The following CPLX4 variants were observed in gnomAD, a reference collection of about 807,000 sequenced individuals.
CPLX4 encodes the protein complexin 4.
In CPLX4, 17 loss-of-function variants were observed where a neutral mutation model predicts 16.1. The observed-to-expected ratio is 1.06, with a 90% confidence interval of 0.72 to 1.59. The LOEUF is 1.59. Among genes scored for constraint, CPLX4 ranks in the 40% most tolerant of loss-of-function variants. CPLX4 has a pLI of 0.00. For synonymous variants in CPLX4, 55 were observed against 57.8 expected, an observed-to-expected ratio of 0.95 and a Z score of 0.22; for missense variants, 193 against 192.9, an observed-to-expected ratio of 1.00 and a Z score of 0.00.
intron 2 of CPLX4, among the ~76,000 whole-genome samples, chr18:59,302,799 C>A (rs1308369676): frequency 6.6e-6 from 1 of 152,186 alleles, no homozygotes; most frequent in South Asian, 2.1e-4. Context: ...ACTTGAGATA[C>A]CATGATAAAT....
chr18:59,296,537 G>T lies in CPLX4; in HGVS notation c.*161C>A. The T allele has an allele frequency of 4.1e-6, 3 of 738,524 alleles. No individual in the cohort carries two copies. The highest frequency in any genetic ancestry group is 3.4e-5 in the South Asian group (2 of 58,672). The allele number at this position is 738,524 out of a possible 1,614,324, so 45.7% of individuals were successfully genotyped here. On this transcript the variant is annotated 3_prime_UTR_variant, in exon 3 of 3. Transcript: ENST00000299721. ...CTGCAAGGTGTTAGCTAAATGCTCT[G>T]CCAGGAATATTTAGAACAACCAAAT...
intron 2 of CPLX4, among the ~76,000 whole-genome samples, chr18:59,305,338 T>C (rs1026401539): frequency 6.8e-6 from 1 of 147,446 alleles, no homozygotes; most frequent in Admixed American, 6.9e-5. Flanking sequence ...GATTTTATTC[T>C]AAAAGACATA....
At chr18:59,313,555 A>G (rs1373154648) in intron 1 of CPLX4, among the ~76,000 whole-genome samples, 1 of 152,148 alleles carries the variant, frequency 6.6e-6, no homozygotes, top group African/African-American at 2.4e-5. Flanking sequence ...CCTGCTGCCC[A>G]CAGAAGTCCT....
intron 2 of CPLX4, among the ~76,000 whole-genome samples, chr18:59,311,012 A>T (rs1275979353): frequency 6.6e-6 from 1 of 150,456 alleles, no homozygotes; most frequent in Admixed American, 6.6e-5. Context: ...CTTCATCCCA[A>T]CAAGTTGATG....
chr18:59,306,599 G>T (rs1305463476), intron 2 of CPLX4, among the ~76,000 whole-genome samples: 1 of 152,180 alleles, frequency 6.6e-6, no homozygotes, highest in Non-Finnish European at 1.5e-5. Context: ...GTCTACATTT[G>T]CTTTTCCCTG....
At chr18:59,303,158 A>G (rs899345257) in intron 2 of CPLX4, among the ~76,000 whole-genome samples, 4 of 152,164 alleles carry the variant, frequency 2.6e-5, no homozygotes, top group African/African-American at 9.7e-5. Flanking sequence ...GGGCTGGGGC[A>G]TGCTGGCTGC....
In CPLX4 at chr18:59,302,922, G is replaced by A. The variant is rs536455694; in HGVS notation, c.256-5997C>T. ...AGTGTGATTGATATTAGGTAGATTTGATTTTGTTTTTGGTTTATTCACTTA... is the reference window on the plus strand; with the variant it reads ...AGTGTGATTGATATTAGGTAGATTTAATTTTGTTTTTGGTTTATTCACTTA... On this transcript the variant is annotated intron_variant, in intron 2 of 2. Coordinates refer to ENST00000299721, the MANE Select transcript of CPLX4 (RefSeq NM_181654.4). Among the ~76,000 whole-genome samples the A allele has an allele frequency of 4.6e-5, 7 of 152,342 alleles. No individual in the cohort carries two copies. The South Asian group carries it at 1.5e-3, about 32-fold the overall frequency.
At chr18:59,310,272 C>G (rs910901964) in intron 2 of CPLX4, among the ~76,000 whole-genome samples, 1 of 152,152 alleles carries the variant, frequency 6.6e-6, no homozygotes, top group East Asian at 1.9e-4. Flanking sequence ...GCAGGTATAG[C>G]CACAATCATT....
At chr18:59,300,470 T>A (rs948171105) in intron 2 of CPLX4, among the ~76,000 whole-genome samples, 17 of 152,218 alleles carry the variant, frequency 1.1e-4, no homozygotes, top group Non-Finnish European at 5.9e-5. Flanking sequence ...TCTGTTTTCG[T>A]AGCTATCGGT....
At chr18:59,309,100 C>A (rs2070598508) in intron 2 of CPLX4, among the ~76,000 whole-genome samples, 1 of 152,314 alleles carries the variant, frequency 6.6e-6, no homozygotes, top group Non-Finnish European at 1.5e-5. Context: ...CCCAGAGTAG[C>A]CGATTTTTCT....
intron 2 of CPLX4, among the ~76,000 whole-genome samples, chr18:59,309,217 T>A (rs1310140614): frequency 6.6e-6 from 1 of 152,208 alleles, no homozygotes; most frequent in Non-Finnish European, 1.5e-5. Flanking sequence ...ATTTGTAGTA[T>A]CTTCCATACC....
chr18:59,315,474 C>T (rs2070645386), intron 1 of CPLX4, among the ~76,000 whole-genome samples: 1 of 152,132 alleles, frequency 6.6e-6, no homozygotes, highest in African/African-American at 2.4e-5. Flanking sequence ...CTCAGTCTGG[C>T]TTGCCCATTT....
At chr18:59,306,741 T>C (rs928196371) in intron 2 of CPLX4, among the ~76,000 whole-genome samples, 3 of 152,208 alleles carry the variant, frequency 2.0e-5, no homozygotes, top group Non-Finnish European at 2.9e-5. Context: ...AGACATTTTC[T>C]CAAATCTGCT....
In CPLX4 at chr18:59,296,434, A is replaced by G. The variant is rs1334321921; in HGVS notation, c.*264T>C. ...CTCATCTCAAGGTCTTTAAGCAGAT[A>G]TGTGTTCTGCATCATCATTTACAAC... On this transcript the variant is annotated 3_prime_UTR_variant, in exon 3 of 3. Transcript: ENST00000299721. 6.0e-6 allele frequency: 3 copies of G among 497,396 alleles called. No individual in the cohort carries two copies. The East Asian group carries it at 1.2e-4, about 20-fold the overall frequency. 30.8% of individuals were successfully genotyped at this position (497,396 alleles called of 1,614,324 possible).
chr18:59,297,899 G>T (rs903035007), intron 2 of CPLX4, among the ~76,000 whole-genome samples: 4 of 152,156 alleles, frequency 2.6e-5, no homozygotes, highest in African/African-American at 9.7e-5. Context: ...TTAGCACCTG[G>T]ACTGGAGTCT....
At chr18:59,314,714 T>C (rs1183054119) in intron 1 of CPLX4, among the ~76,000 whole-genome samples, 1 of 152,192 alleles carries the variant, frequency 6.6e-6, no homozygotes, top group Non-Finnish European at 1.5e-5. Context: ...CTACCATAGA[T>C]TGGTTTTGCC....
chr18:59,311,250 C>T (rs184875770), intron 2 of CPLX4, among the ~76,000 whole-genome samples: 3 of 152,230 alleles, frequency 2.0e-5, no homozygotes, highest in Admixed American at 1.3e-4. Context: ...TAAACCTGAA[C>T]GGGGCTGGGG....
At chr18:59,314,835 G>A (rs2070641871) in intron 1 of CPLX4, among the ~76,000 whole-genome samples, 1 of 152,196 alleles carries the variant, frequency 6.6e-6, no homozygotes, top group Admixed American at 6.5e-5. Flanking sequence ...TGTACTAGTA[G>A]CTGGTTCCTT....
At chr18:59,298,827 G>C (rs544774713) in intron 2 of CPLX4, among the ~76,000 whole-genome samples, 2 of 152,166 alleles carry the variant, frequency 1.3e-5, no homozygotes, top group African/African-American at 4.8e-5. Context: ...TCCTTGGAGG[G>C]GCTGAAGCCC....
Sources: gnomAD v4.1 joint callset for allele counts (sites outside exome capture counted in the v4.1 genomes callset) on GRCh38, gnomAD v4.1.1 for gene constraint, MANE v1.5 for transcripts, NCBI Gene and HGNC (gene_info 2026-07-23, HGNC 2026-07-21) for gene names.